Variants in GFI1B observed in about 807,000 individuals in gnomAD.
GFI1B encodes zinc finger protein Gfi-1b.
In GFI1B, 20 loss-of-function variants were observed where a neutral mutation model predicts 35.3. That is an observed-to-expected ratio of 0.57 (90% CI 0.40 to 0.82). The LOEUF (loss-of-function observed/expected upper bound fraction) is 0.82. Among genes scored for constraint, GFI1B ranks in the 40% least tolerant of loss-of-function variants. The pLI is 0.00. For synonymous variants in GFI1B, 178 were observed against 177.6 expected, an observed-to-expected ratio of 1.00 and a Z score of -0.02; for missense variants, 430 against 446.3, an observed-to-expected ratio of 0.96 and a Z score of 0.33.
In GFI1B at chr9:132,989,323, C is replaced by A; in HGVS notation, c.648+125C>A. The A allele has an allele frequency of 3.3e-6, 3 of 909,684 alleles. No homozygotes were observed. Among genetic ancestry groups the A allele is most frequent in the Non-Finnish European group, 3.5e-6 (2 of 571,504 alleles). The allele number at this position is 909,684 out of a possible 1,614,324, so 56.4% of individuals were successfully genotyped here. A position where few individuals can be genotyped will look rare whatever the true frequency, so the allele number is the denominator to read the frequency against. ...GGGGTGACACAGATTGGGAGGGGTC[C>A]CCTAGTACCCACCTCCCTGGGTCTG... is the stretch of plus-strand genomic sequence containing the variant. On this transcript the variant is annotated intron_variant, in intron 5 of 6. Coordinates refer to ENST00000372122, the MANE Select transcript of GFI1B (RefSeq NM_001377304.1). The surrounding 1 kb of genome is among the most constrained non-coding windows in gnomAD (Gnocchi z 6.2).
At chr9:132,969,363 C>T (rs1281269084) in intron 1 of GFI1B, among the ~76,000 whole-genome samples, 4 of 152,182 alleles carry the variant, frequency 2.6e-5, no homozygotes, top group African/African-American at 4.8e-5. Context: ...CTAGGTAACT[C>T]AGGTAAATGA....
At chr9:132,972,251 G>A (rs1359100299) in intron 1 of GFI1B, among the ~76,000 whole-genome samples, 5 of 151,790 alleles carry the variant, frequency 3.3e-5, no homozygotes, top group Non-Finnish European at 7.4e-5. Flanking sequence ...GTGAAACCCC[G>A]TCTCTACTAA....
chr9:132,977,405 G>C (rs1264637335), upstream of GFI1B, among the ~76,000 whole-genome samples: 1 of 152,130 alleles, frequency 6.6e-6, no homozygotes, highest in Admixed American at 6.5e-5. Flanking sequence ...CCTCCTGGCT[G>C]GTGCTCCAGG....
At chr9:132,986,813 C>A in intron 2 of GFI1B, 35 bp downstream of exon 2, 3 of 1,302,326 alleles carry the variant, frequency 2.3e-6, no homozygotes, top group East Asian at 2.4e-5. Flanking sequence ...CTGCTGCACC[C>A]ACGGGGGGCT....
At chr9:132,956,695 A>C (rs1848288346) in intron 1 of GFI1B, among the ~76,000 whole-genome samples, 1 of 152,228 alleles carries the variant, frequency 6.6e-6, no homozygotes, top group Admixed American at 6.5e-5. Flanking sequence ...GCTGTGGAGC[A>C]ATTAATTCTG....
At chr9:132,977,658 G>A (rs1275526894), upstream of GFI1B, among the ~76,000 whole-genome samples, 1 of 152,040 alleles carries the variant, frequency 6.6e-6, no homozygotes, top group East Asian at 1.9e-4. Context: ...GGGAGGAGGC[G>A]GGGGCCAGAG....
rs1849287523 is a variant in GFI1B, at chr9:132,991,358, G to C, written c.*308G>C. The C allele has an allele frequency of 4.7e-6, 2 of 423,692 alleles. No homozygotes were observed. Among genetic ancestry groups the C allele is most frequent in the Non-Finnish European group, 8.9e-6 (2 of 225,768 alleles). The allele number at this position is 423,692 out of a possible 1,614,324, so 26.2% of individuals were successfully genotyped here. A position where few individuals can be genotyped will look rare whatever the true frequency, so the allele number is the denominator to read the frequency against. On this transcript the variant is annotated 3_prime_UTR_variant, in exon 7 of 7. Coordinates refer to ENST00000372122, the MANE Select transcript of GFI1B (RefSeq NM_001377304.1). Reference sequence around the variant, plus strand: ...AGCTAGAATACCCCCAGGGAGACAGGGATGCCAAGAGTAGACCAGAGCTGG... The same window carrying C: ...AGCTAGAATACCCCCAGGGAGACAGCGATGCCAAGAGTAGACCAGAGCTGG...
chr9:132,960,581 C>T (rs571148156), intron 1 of GFI1B, among the ~76,000 whole-genome samples: 2 of 152,048 alleles, frequency 1.3e-5, no homozygotes, highest in South Asian at 2.1e-4. Context: ...ACTACAGCCT[C>T]GAGCTCCTGG....
intron 3 of GFI1B, 29 bp from the exon 4 acceptor site, chr9:132,988,168 T>A: frequency 6.2e-7 from 1 of 1,610,844 alleles, no homozygotes; most frequent in Non-Finnish European, 8.5e-7. Context: ...TTTAAATGAG[T>A]AACCAGGCCT....
chr9:132,972,660 T>C (rs546516721), intron 1 of GFI1B: 1 of 152,348 alleles, frequency 6.6e-6, no homozygotes, highest in Admixed American at 6.5e-5. Flanking sequence ...ACTCTGATCA[T>C]ATATTACTCT....
At chr9:132,981,760 C>CTT (rs60174613) in intron 1 of GFI1B, among the ~76,000 whole-genome samples, 10 of 146,794 alleles carry the variant, frequency 6.8e-5, no homozygotes, top group African/African-American at 2.2e-4. Flanking sequence ...CCCCTTGAAT[C>CTT]TTTTTTTTTT....
chr9:132,987,655 G>C (rs1348687611), intron 3 of GFI1B, among the ~76,000 whole-genome samples: 1 of 152,172 alleles, frequency 6.6e-6, no homozygotes, highest in Non-Finnish European at 1.5e-5. Flanking sequence ...TCCGTGCAGG[G>C]AGTGAGGTGG....
At chr9:132,966,351 C>G (rs1229703034) in intron 1 of GFI1B, among the ~76,000 whole-genome samples, 1 of 150,990 alleles carries the variant, frequency 6.6e-6, no homozygotes, top group Non-Finnish European at 1.5e-5. Flanking sequence ...AAAGTGAGAT[C>G]CTATCTCAAA....
At position 132,989,261 on chromosome 9, in the gene GFI1B, C is replaced by G; in HGVS notation, c.648+63C>G. 1 of 1,538,016 alleles carries G rather than the reference C, an allele frequency of 6.5e-7. No individual in the cohort carries two copies. Among genetic ancestry groups the G allele is most frequent in the Non-Finnish European group, 8.9e-7 (1 of 1,122,076 alleles). On this transcript the variant is annotated intron_variant, in intron 5 of 6. Transcript: ENST00000372122. The surrounding 1 kb of genome is among the most constrained non-coding windows in gnomAD (Gnocchi z 6.2). Reference sequence around the variant, plus strand: ...TCCTTCTCTGTGCTTCCCCAGGGAGCCTGGGGGCTGTGGCTGGGTCCCTCC... The same window carrying G: ...TCCTTCTCTGTGCTTCCCCAGGGAGGCTGGGGGCTGTGGCTGGGTCCCTCC...
intron 1 of GFI1B, among the ~76,000 whole-genome samples, chr9:132,981,467 G>A (rs1037215764): frequency 2.6e-5 from 4 of 151,886 alleles, no homozygotes; most frequent in Non-Finnish European, 5.9e-5. Flanking sequence ...GCAAAACCCC[G>A]TCTCTACAAA....
chr9:132,981,574 G>A (rs1848821115), intron 1 of GFI1B, among the ~76,000 whole-genome samples: 2 of 151,966 alleles, frequency 1.3e-5, no homozygotes, highest in Non-Finnish European at 2.9e-5. Context: ...GGAGGTGGAG[G>A]TTACAGTGGG....
upstream of GFI1B, among the ~76,000 whole-genome samples, chr9:132,977,234 C>T (rs964082661): frequency 6.6e-6 from 1 of 152,180 alleles, no homozygotes; most frequent in East Asian, 1.9e-4. Context: ...GCTGGGATTA[C>T]AGGCGTGAAC....
At chr9:132,966,235 T>C (rs1388725772) in intron 1 of GFI1B, among the ~76,000 whole-genome samples, 1 of 152,080 alleles carries the variant, frequency 6.6e-6, no homozygotes, top group Non-Finnish European at 1.5e-5. Flanking sequence ...GGCGCGTACC[T>C]ATAGTTCCAG....
intron 1 of GFI1B, among the ~76,000 whole-genome samples, chr9:132,970,045 A>G (rs1848509910): frequency 6.6e-6 from 1 of 151,974 alleles, no homozygotes; most frequent in South Asian, 2.1e-4. Context: ...GCACATTCTT[A>G]GTGCTGATCA....
Sources: allele counts gnomAD v4.1 joint callset (sites outside exome capture counted in the v4.1 genomes callset), GRCh38; gene constraint gnomAD v4.1.1; non-coding constraint Gnocchi (gnomAD v3.1); transcripts MANE v1.5; gene names NCBI Gene and HGNC (gene_info 2026-07-23, HGNC 2026-07-21).